ELP3: variants seen among roughly 807,000 people sequenced by gnomAD.
The protein encoded by ELP3 is elongator complex protein 3.
In ELP3, 56 loss-of-function variants were observed where a neutral mutation model predicts 74.9. The ratio of observed to expected loss-of-function variants is 0.75; its 90% CI spans 0.60 to 0.93. The LOEUF is 0.93. Ranked by LOEUF, ELP3 falls within the 40% of genes least tolerant of loss-of-function variation. The pLI, the probability that ELP3 is intolerant of heterozygous loss-of-function variation, is 0.00. For missense variants in ELP3, 573 were observed against 686.5 expected, an observed-to-expected ratio of 0.83 and a Z score of 1.85; for synonymous variants, 222 against 239.8, an observed-to-expected ratio of 0.93 and a Z score of 0.68.
At chr8:28,188,470 T>TC (rs1423999713) in intron 14 of ELP3, among the ~76,000 whole-genome samples, 3 of 151,978 alleles carry the variant, frequency 2.0e-5, no homozygotes, top group Non-Finnish European at 2.9e-5. Context: ...CCACCCTCCC[T>TC]CCTCCGGGGA....
At chr8:28,097,382 C>A in intron 2 of ELP3, 64 bp downstream of exon 2, 1 of 1,040,152 alleles carries the variant, frequency 9.6e-7, no homozygotes, top group Non-Finnish European at 1.5e-6. Context: ...ATGAAATTAT[C>A]TAGTACTACT....
In ELP3 at chr8:28,190,445, G is replaced by C. The variant is rs961054241; in HGVS notation, c.*720G>C. ...CCACCCTCTTGGCAACTACAGAGCAGTGTGGGCAGCCCCAAGTGTGGTCCC... is the reference window on the plus strand; with the variant it reads ...CCACCCTCTTGGCAACTACAGAGCACTGTGGGCAGCCCCAAGTGTGGTCCC... On this transcript the variant is annotated 3_prime_UTR_variant, in exon 15 of 15. Transcript: ENST00000256398. 6.6e-6 allele frequency: 1 copy of C among 152,264 alleles called. No homozygotes were observed. Among genetic ancestry groups the C allele is most frequent in the Non-Finnish European group, 1.5e-5 (1 of 68,086 alleles). 9.4% of individuals were successfully genotyped at this position (152,264 alleles called of 1,614,324 possible).
intron 10 of ELP3, among the ~76,000 whole-genome samples, chr8:28,153,318 A>T (rs747228240): frequency 6.6e-6 from 1 of 152,204 alleles, no homozygotes; most frequent in African/African-American, 2.4e-5. Flanking sequence ...GTCTGTCTAG[A>T]TGAATTTTTA....
rs78195741 is a variant in ELP3 at position 28,149,971 on chromosome 8, G to A, written c.1101-5971G>A. Reference sequence around the variant, plus strand: ...TCTTTTTTTACTTTTTCTTTCCAGTGGTTGCCCTAGAATTTGCAATGTGCA... The same window carrying A: ...TCTTTTTTTACTTTTTCTTTCCAGTAGTTGCCCTAGAATTTGCAATGTGCA... On this transcript the variant is annotated intron_variant, in intron 10 of 14. Transcript: ENST00000256398. Among the ~76,000 whole-genome samples the A allele has an allele frequency of 2.0e-3, 306 of 151,984 alleles. 4 individuals are homozygous for A. In the East Asian group the frequency reaches 0.02, roughly 10 times the overall value.
At chr8:28,095,808 G>A (rs539118115) in intron 1 of ELP3, among the ~76,000 whole-genome samples, 6 of 152,298 alleles carry the variant, frequency 3.9e-5, no homozygotes, top group South Asian at 4.1e-4. Flanking sequence ...ATGAGATAAA[G>A]TAAATGTGTG....
At chr8:28,122,500 C>G (rs1215276956) in intron 7 of ELP3, among the ~76,000 whole-genome samples, 1 of 152,142 alleles carries the variant, frequency 6.6e-6, no homozygotes, top group African/African-American at 2.4e-5. Flanking sequence ...TTCATATTTT[C>G]TGTTTCATCT....
upstream of ELP3, among the ~76,000 whole-genome samples, chr8:28,091,090 T>C (rs928174297): frequency 6.6e-6 from 1 of 151,908 alleles, no homozygotes; most frequent in Admixed American, 6.6e-5. Context: ...GTATTTTTAG[T>C]GGAGACGGGG....
rs1166476055 is a variant in ELP3 at position 28,189,702 on chromosome 8, T to C, written c.1621T>C (p.Tyr541His). 1.2e-6 allele frequency: 2 copies of C among 1,614,030 alleles called. No homozygotes were observed. Among genetic ancestry groups the C allele is most frequent in the Non-Finnish European group, 1.7e-6 (2 of 1,179,990 alleles). The change falls in exon 15 of 15, where the codon TAC (tyrosine) becomes CAC (histidine). Residue 541 changes from tyrosine (Y) to histidine (H), a missense_variant. Transcript: ENST00000256398. ...GATCGGCTACAGATTACAAGGCCCG[T>C]ACATGGTGAAGATGCTGAAATAATG... Reference protein sequence around the residue: ...RKIGYRLQGPYMVKMLK With the variant: ...RKIGYRLQGPHMVKMLK
chr8:28,093,427 C>T (rs1811125115), intron 1 of ELP3, 194 bp downstream of exon 1: 1 of 666,092 alleles, frequency 1.5e-6, no homozygotes, highest in Non-Finnish European at 2.5e-6. Context: ...AAGCACCCTA[C>T]CCTTCCTCTC....
intron 10 of ELP3, among the ~76,000 whole-genome samples, chr8:28,146,631 C>T (rs1813443621): frequency 1.3e-5 from 2 of 152,194 alleles, no homozygotes; most frequent in South Asian, 4.1e-4. Context: ...AGGTTTTCAA[C>T]TCCTAGAAGA....
chr8:28,175,350 T>A (rs1043792556), intron 14 of ELP3, among the ~76,000 whole-genome samples: 1 of 152,186 alleles, frequency 6.6e-6, no homozygotes, highest in African/African-American at 2.4e-5. Flanking sequence ...ACTAGATAAA[T>A]TCAGTTGCAT....
At chr8:28,092,753 G>C (rs1182041386), upstream of ELP3, 1 of 258,272 alleles carries the variant, frequency 3.9e-6, no homozygotes, top group Non-Finnish European at 7.7e-6. Flanking sequence ...CAACATGGGA[G>C]GGTTCCTCCT....
intron 14 of ELP3, among the ~76,000 whole-genome samples, chr8:28,174,340 T>C (rs927007430): frequency 2.6e-5 from 4 of 152,132 alleles, no homozygotes; most frequent in African/African-American, 7.2e-5. Context: ...TTTATCACCA[T>C]ATAATGGTCT....
upstream of ELP3, chr8:28,090,470 G>A (rs1001053711): frequency 3.7e-6 from 1 of 270,878 alleles, no homozygotes; most frequent in Non-Finnish European, 6.9e-6. Context: ...ATCCTCCATA[G>A]TCTGATGGGT....
chr8:28,177,659 T>C (rs1814815480), intron 14 of ELP3, among the ~76,000 whole-genome samples: 1 of 152,240 alleles, frequency 6.6e-6, no homozygotes, highest in Non-Finnish European at 1.5e-5. Flanking sequence ...GGCTCAATTT[T>C]AATTCTGTCT....
chr8:28,106,539 CAAAAAAAAAAAAAAAAA>C (rs61714722), intron 3 of ELP3, among the ~76,000 whole-genome samples, 157 bp from the exon 4 acceptor site: 2 of 112,688 alleles, frequency 1.8e-5, no homozygotes. Flanking sequence ...GACTCCGTCT[CAAAAAAAAAAAAAAAAA>C]AAAAAAAAAA....
In ELP3 at chr8:28,180,783, A is replaced by G. The variant is rs117619905; in HGVS notation, c.1568-8866A>G. ...GAAGATTCCTATCCCCACCACACCA[A>G]TCCCTCCTCCCAATTCAGAGCCTTT... On this transcript the variant is annotated intron_variant, in intron 14 of 14. Coordinates refer to ENST00000256398, the MANE Select transcript of ELP3 (RefSeq NM_018091.6). 4.0e-3 allele frequency among the ~76,000 whole-genome samples: 609 copies of G among 152,244 alleles called. 1 individual carries two copies. Among genetic ancestry groups the G allele is most frequent in the Middle Eastern group, 0.031 (9 of 294 alleles).
In ELP3 at chr8:28,179,494, A is replaced by G. The variant is rs186676632; in HGVS notation, c.1568-10155A>G. Reference sequence around the variant, plus strand: ...CCAGGGACTGGTTTTGTGGAAGACAATTTTTCCACAGATAGTAAGGGGGTT... The same window carrying G: ...CCAGGGACTGGTTTTGTGGAAGACAGTTTTTCCACAGATAGTAAGGGGGTT... On this transcript the variant is annotated intron_variant, in intron 14 of 14. Coordinates refer to ENST00000256398, the MANE Select transcript of ELP3 (RefSeq NM_018091.6). Among the ~76,000 whole-genome samples, 542 of 152,216 alleles carry G rather than the reference A, an allele frequency of 3.6e-3. 1 individual carries two copies. The highest frequency in any genetic ancestry group is 8.7e-3 in the African/African-American group (363 of 41,530).
chr8:28,113,196 T>C (rs1811990118), intron 7 of ELP3, 23 bp downstream of exon 7: 1 of 1,604,834 alleles, frequency 6.2e-7, no homozygotes. Context: ...TATTTTATCA[T>C]AGTCTCCAGA....
Sources: gnomAD v4.1 joint callset for allele counts (sites outside exome capture counted in the v4.1 genomes callset) on GRCh38, gnomAD v4.1.1 for gene constraint, MANE v1.5 for transcripts, NCBI Gene and HGNC (gene_info 2026-07-23, HGNC 2026-07-21) for gene names.